PLPP3: variants seen among roughly 807,000 people sequenced by gnomAD.
The protein encoded by PLPP3 is phospholipid phosphatase 3, also known as PAP2 beta.
In PLPP3, 6 loss-of-function variants were observed where a neutral mutation model predicts 29.6. That is an observed-to-expected ratio of 0.20 (90% CI 0.11 to 0.40). The LOEUF (loss-of-function observed/expected upper bound fraction) is 0.40, where lower values mean the gene tolerates loss of function less well. Among genes scored for constraint, PLPP3 ranks in the 10% least tolerant of loss-of-function variants. The pLI is 1.00. For missense variants in PLPP3, 308 were observed against 407.7 expected, an observed-to-expected ratio of 0.76 and a Z score of 2.11; for synonymous variants, 152 against 159.7, an observed-to-expected ratio of 0.95 and a Z score of 0.36.
intron 1 of PLPP3, among the ~76,000 whole-genome samples, chr1:56,543,422 T>C (rs1288352125): frequency 1.3e-5 from 2 of 152,356 alleles, no homozygotes; most frequent in African/African-American, 4.8e-5. Flanking sequence ...TCTTACTCTA[T>C]GACCTGACCC....
At chr1:56,522,160 T>C (rs1201491229) in intron 4 of PLPP3, among the ~76,000 whole-genome samples, 1 of 152,184 alleles carries the variant, frequency 6.6e-6, no homozygotes, top group Non-Finnish European at 1.5e-5. Flanking sequence ...TAGATTCAAA[T>C]TGGATAGGAT....
At chr1:56,531,715 G>T (rs1030906786) in intron 2 of PLPP3, among the ~76,000 whole-genome samples, 1 of 152,202 alleles carries the variant, frequency 6.6e-6, no homozygotes, top group Non-Finnish European at 1.5e-5. Context: ...AAGCCAAACA[G>T]ATCTAGGTTT....
At chr1:56,540,866 G>A (rs1477486937) in intron 1 of PLPP3, among the ~76,000 whole-genome samples, 2 of 152,040 alleles carry the variant, frequency 1.3e-5, no homozygotes, top group Non-Finnish European at 2.9e-5. Context: ...GCCCTTCCAG[G>A]ACACAGAGAA....
intron 1 of PLPP3, among the ~76,000 whole-genome samples, chr1:56,565,248 G>A (rs1422137174): frequency 6.6e-6 from 1 of 152,118 alleles, no homozygotes; most frequent in East Asian, 1.9e-4. Flanking sequence ...TGCATTTAAT[G>A]AAGGAGCTGC....
intron 2 of PLPP3, among the ~76,000 whole-genome samples, chr1:56,535,184 G>A (rs138766609): frequency 2.1e-4 from 32 of 152,194 alleles, no homozygotes; most frequent in African/African-American, 7.2e-4. Flanking sequence ...ATGTATTTCC[G>A]GAGGCACCAT....
At chr1:56,541,498 T>G (rs1262923434) in intron 1 of PLPP3, among the ~76,000 whole-genome samples, 1 of 152,146 alleles carries the variant, frequency 6.6e-6, no homozygotes, top group African/African-American at 2.4e-5. Context: ...AGTCTAGGCA[T>G]TGACTGGGCC....
intron 1 of PLPP3, among the ~76,000 whole-genome samples, chr1:56,568,054 TATG>T (rs1387058972): frequency 6.6e-6 from 1 of 152,160 alleles, no homozygotes; most frequent in African/African-American, 2.4e-5. Flanking sequence ...CCACATATTA[TATG>T]ATTATACTTA....
At chr1:56,569,421 C>G (rs1646182760) in intron 1 of PLPP3, among the ~76,000 whole-genome samples, 1 of 152,062 alleles carries the variant, frequency 6.6e-6, no homozygotes, top group Non-Finnish European at 1.5e-5. Flanking sequence ...ATCTGCCTGC[C>G]TCATCCTCCC....
rs1467153337 is a variant in PLPP3, at chr1:56,524,447, A to C, written c.405T>G (p.Phe135Leu). ...TGAAAGACTGGCTGATGGCACAGCC[A>C]AAGAGGAAGCAGCCCACTTGCTTAT... ...ALYKQVGCFL[F>L]GCAISQSFTD... Residue 135 changes from phenylalanine to leucine, a missense_variant, in exon 3 of 6, where the codon TTT (phenylalanine) becomes TTG (leucine). Physicochemically the swap from Phe to Leu is conservative, Grantham distance 22. Transcript: ENST00000371250. This position sits in a 1 kb window ranked among gnomAD's most constrained non-coding sequence, Gnocchi z 4.3. 6.2e-7 allele frequency: 1 copy of C among 1,614,128 alleles called. No homozygotes were observed.
At chr1:56,513,818 A>G (rs1645762687) in intron 4 of PLPP3, 1 of 152,168 alleles carries the variant, frequency 6.6e-6, no homozygotes, top group Admixed American at 6.5e-5. Flanking sequence ...ATAACCAGTT[A>G]AAAATGTAAA....
At chr1:56,534,411 C>G (rs757990500) in intron 2 of PLPP3, among the ~76,000 whole-genome samples, 1 of 152,144 alleles carries the variant, frequency 6.6e-6, no homozygotes, top group Non-Finnish European at 1.5e-5. Flanking sequence ...TCCTCCACTG[C>G]CATTCCGTTC....
intron 1 of PLPP3, among the ~76,000 whole-genome samples, chr1:56,573,961 G>C (rs1005793832): frequency 6.6e-6 from 1 of 152,152 alleles, no homozygotes; most frequent in Non-Finnish European, 1.5e-5. Flanking sequence ...CAGCACTTTG[G>C]GAGGCTGAAG....
At chr1:56,555,876 C>T (rs1646073309) in intron 1 of PLPP3, among the ~76,000 whole-genome samples, 1 of 152,158 alleles carries the variant, frequency 6.6e-6, no homozygotes, top group Middle Eastern at 3.2e-3. Context: ...CATGATGATG[C>T]TGGCTTCAAC....
At chr1:56,532,302 A>G (rs1645894942) in intron 2 of PLPP3, among the ~76,000 whole-genome samples, 1 of 152,144 alleles carries the variant, frequency 6.6e-6, no homozygotes, top group Non-Finnish European at 1.5e-5. Context: ...TGGTCTTGGT[A>G]ATTGCACAGA....
At chr1:56,511,386 C>A (rs1382162161) in intron 5 of PLPP3, among the ~76,000 whole-genome samples, 2 of 152,148 alleles carry the variant, frequency 1.3e-5, no homozygotes, top group Non-Finnish European at 2.9e-5. Flanking sequence ...GTACGAGGGC[C>A]TCAGGCTGAG....
At chr1:56,505,001 G>T (rs2100224688) in intron 5 of PLPP3, among the ~76,000 whole-genome samples, 1 of 152,258 alleles carries the variant, frequency 6.6e-6, no homozygotes, top group East Asian at 1.9e-4. Flanking sequence ...CACACAGTAA[G>T]GGCAAGTCTT....
chr1:56,502,869 G>A (rs1645677512), intron 5 of PLPP3, among the ~76,000 whole-genome samples: 1 of 152,202 alleles, frequency 6.6e-6, no homozygotes, highest in Admixed American at 6.5e-5. Flanking sequence ...TCCACCATGT[G>A]AGCGTAAAGA....
intron 1 of PLPP3, among the ~76,000 whole-genome samples, chr1:56,573,296 T>C (rs1307998050): frequency 6.6e-6 from 1 of 152,194 alleles, no homozygotes; most frequent in Non-Finnish European, 1.5e-5. Flanking sequence ...CAGGACACCT[T>C]CAGGTCTGCA....
chr1:56,554,720 C>A (rs937516871), intron 1 of PLPP3, among the ~76,000 whole-genome samples: 1 of 152,092 alleles, frequency 6.6e-6, no homozygotes, highest in Non-Finnish European at 1.5e-5. Flanking sequence ...GAGAGTATTT[C>A]CCTCCCTTTA....
Sources: allele counts gnomAD v4.1 joint callset (sites outside exome capture counted in the v4.1 genomes callset), GRCh38; gene constraint gnomAD v4.1.1; non-coding constraint Gnocchi (gnomAD v3.1); transcripts MANE v1.5; gene names NCBI Gene and HGNC (gene_info 2026-07-23, HGNC 2026-07-21).